Variants in IL2RA observed in about 807,000 individuals in gnomAD.
The protein encoded by IL2RA is interleukin 2 receptor subunit alpha.
Under a neutral mutation model 37.8 loss-of-function variants are expected in IL2RA, and 24 were observed. The ratio of observed to expected loss-of-function variants is 0.63; its 90% CI spans 0.46 to 0.89. IL2RA has a LOEUF of 0.89. IL2RA is among the 40% of genes least tolerant of loss of function. The pLI is 0.00. For missense variants in IL2RA, 319 were observed against 348.6 expected, an observed-to-expected ratio of 0.92 and a Z score of 0.68; for synonymous variants, 125 against 114.6, an observed-to-expected ratio of 1.09 and a Z score of -0.58.
At chr10:6,023,958 T>A (rs1046762074) in intron 3 of IL2RA, among the ~76,000 whole-genome samples, 1 of 152,196 alleles carries the variant, frequency 6.6e-6, no homozygotes, top group Non-Finnish European at 1.5e-5. Context: ...ACAGACGCTT[T>A]TAAGTTGAGT....
chr10:6,027,127 G>A (rs1839497145), intron 1 of IL2RA, among the ~76,000 whole-genome samples: 1 of 152,142 alleles, frequency 6.6e-6, no homozygotes, highest in Non-Finnish European at 1.5e-5. Context: ...TTCAAAACCA[G>A]CCTGGCCAGC....
chr10:6,052,217 C>T (rs1839974007), intron 1 of IL2RA, among the ~76,000 whole-genome samples: 1 of 152,136 alleles, frequency 6.6e-6, no homozygotes, highest in African/African-American at 2.4e-5. Flanking sequence ...CAAAACAACG[C>T]TCTCTGCTGT....
rs12722547 is a variant in IL2RA at position 6,030,130 on chromosome 10, G to C, written c.65-4105C>G. On this transcript the variant is annotated intron_variant, in intron 1 of 7. Coordinates refer to ENST00000379959, the MANE Select transcript of IL2RA (RefSeq NM_000417.3). ...GAACACAAGAAATCTGAAAAAGAAT[G>C]GACCTTTGGCATGCTGTAAGACAAT... 7.5e-3 allele frequency among the ~76,000 whole-genome samples: 1,142 copies of C among 152,242 alleles called. 6 individuals carry two copies. Among genetic ancestry groups the C allele is most frequent in the Non-Finnish European group, 0.014 (957 of 68,024 alleles).
chr10:6,018,327 A>G lies in IL2RA; in HGVS notation c.728-208T>C, dbSNP rs12722697. 8.8e-3 allele frequency among the ~76,000 whole-genome samples: 1,335 copies of G among 152,154 alleles called. 20 individuals carry two copies. Among genetic ancestry groups the G allele is most frequent in the African/African-American group, 0.031 (1,276 of 41,504 alleles). ...GGCAGGGAGGACAGGGTGAGGGTGGAGGGAGCTTCCCCTCAGGAGGCACCC... is the reference window on the plus strand; with the variant it reads ...GGCAGGGAGGACAGGGTGAGGGTGGGGGGAGCTTCCCCTCAGGAGGCACCC... On this transcript the variant is annotated intron_variant, in intron 6 of 7. Coordinates refer to ENST00000379959, the MANE Select transcript of IL2RA (RefSeq NM_000417.3). The surrounding 1 kb of genome is among the most constrained non-coding windows in gnomAD (Gnocchi z 5.1).
intron 1 of IL2RA, among the ~76,000 whole-genome samples, chr10:6,034,636 T>G (rs1246318458): frequency 6.6e-6 from 1 of 152,226 alleles, no homozygotes; most frequent in Admixed American, 6.5e-5. Context: ...AGCATACAAC[T>G]GTCCTCATTC....
chr10:6,010,892 A>G lies in IL2RA; in HGVS notation c.*1980T>C, dbSNP rs1003749869. On this transcript the variant is annotated 3_prime_UTR_variant, in exon 8 of 8. Transcript: ENST00000379959. ...GATCTTATAGACCCCTCAACACCCAAAAGTCGTAATCAGTTCTACTCAAGT... is the reference window on the plus strand; with the variant it reads ...GATCTTATAGACCCCTCAACACCCAGAAGTCGTAATCAGTTCTACTCAAGT... 2 of 152,258 alleles carry G rather than the reference A, an allele frequency of 1.3e-5. No homozygotes were observed. The allele number at this position is 152,258 out of a possible 1,614,324, so 9.4% of individuals were successfully genotyped here. A position where few individuals can be genotyped will look rare whatever the true frequency, so the allele number is the denominator to read the frequency against.
At chr10:6,030,877 G>A (rs1027934105) in intron 1 of IL2RA, among the ~76,000 whole-genome samples, 2 of 152,072 alleles carry the variant, frequency 1.3e-5, no homozygotes, top group Non-Finnish European at 2.9e-5. Context: ...ACTGTTTTAG[G>A]TTTTTATATC....
intron 1 of IL2RA, among the ~76,000 whole-genome samples, chr10:6,051,517 A>ATTT (rs1206402104): frequency 2.0e-5 from 2 of 100,872 alleles, no homozygotes; most frequent in African/African-American, 8.2e-5. Flanking sequence ...ATATATATAT[A>ATTT]TTTTTTTTCT....
Position 6,020,901 on chromosome 10 carries a change from G to A in IL2RA, c.583+577C>T, listed in dbSNP as rs1839373862. On this transcript the variant is annotated intron_variant, in intron 4 of 7. Coordinates refer to ENST00000379959, the MANE Select transcript of IL2RA (RefSeq NM_000417.3). This position sits in a 1 kb window ranked among gnomAD's most constrained non-coding sequence, Gnocchi z 5.6. ...CAGAAGGAAGACAGCAGGAGACCTC[G>A]ACATCGGTGGGCTGAGCATTTGCAT... is the stretch of plus-strand genomic sequence containing the variant. Among the ~76,000 whole-genome samples, 1 of 151,644 alleles carries A rather than the reference G, an allele frequency of 6.6e-6. No individual in the cohort carries two copies. The highest frequency in any genetic ancestry group is 2.4e-5 in the African/African-American group (1 of 41,250).
Position 6,054,750 on chromosome 10 carries a change from GA to G in IL2RA, c.64+7337del, listed in dbSNP as rs1840016517. On this transcript the variant is annotated intron_variant, in intron 1 of 7. Transcript: ENST00000379959. The surrounding 1 kb of genome is among the most constrained non-coding windows in gnomAD (Gnocchi z 4.5). ...GAGGTCCCAGGGCCACCTTCTCTGA[GA>G]ATTTTTTTTCTAGTTCTCCAGGTAG... is the stretch of plus-strand genomic sequence containing the variant. 6.6e-6 allele frequency among the ~76,000 whole-genome samples: 1 copy of G among 152,082 alleles called. No individual in the cohort carries two copies. Among genetic ancestry groups the G allele is most frequent in the South Asian group, 2.1e-4 (1 of 4,826 alleles).
rs928437001 is a variant in IL2RA at position 6,054,194 on chromosome 10, A to C, written c.64+7894T>G. Reference sequence around the variant, plus strand: ...GCTGCAGGCGGAGCTGCTGGTCAAAAACCCCCCGGGGAACTGGTTGGGTGT... The same window carrying C: ...GCTGCAGGCGGAGCTGCTGGTCAAACACCCCCCGGGGAACTGGTTGGGTGT... On this transcript the variant is annotated intron_variant, in intron 1 of 7. Coordinates refer to ENST00000379959, the MANE Select transcript of IL2RA (RefSeq NM_000417.3). This position sits in a 1 kb window ranked among gnomAD's most constrained non-coding sequence, Gnocchi z 4.5. Among the ~76,000 whole-genome samples the C allele has an allele frequency of 9.2e-5, 14 of 151,986 alleles. No individual in the cohort carries two copies. In the South Asian group the frequency reaches 1.3e-3, roughly 14 times the overall value.
rs1044357148 is a variant in IL2RA at position 6,028,156 on chromosome 10, G to A, written c.65-2131C>T. ...TGCTTTCCTTCCCGGCAGCACCCAG[G>A]TGGAACCCAAGCAGAGTGGTTTCAT... On this transcript the variant is annotated intron_variant, in intron 1 of 7. Transcript: ENST00000379959. The surrounding 1 kb of genome is among the most constrained non-coding windows in gnomAD (Gnocchi z 4.1). 2.0e-5 allele frequency among the ~76,000 whole-genome samples: 3 copies of A among 152,110 alleles called. No individual in the cohort carries two copies. The highest frequency in any genetic ancestry group is 4.4e-5 in the Non-Finnish European group (3 of 68,036).
intron 1 of IL2RA, among the ~76,000 whole-genome samples, chr10:6,031,456 A>G (rs1004223491): frequency 2.2e-4 from 6 of 27,192 alleles, no homozygotes; most frequent in East Asian, 7.4e-3. Context: ...ATATATATAC[A>G]TATATATATA....
rs1380247139 is a variant in IL2RA at position 6,028,842 on chromosome 10, A to G, written c.65-2817T>C. ...GTGACATCCCATCTATACTAAAAAT[A>G]CAAAAGATCAGCCGAGTGTGGCAGC... On this transcript the variant is annotated intron_variant, in intron 1 of 7. Coordinates refer to ENST00000379959, the MANE Select transcript of IL2RA (RefSeq NM_000417.3). The surrounding 1 kb of genome is among the most constrained non-coding windows in gnomAD (Gnocchi z 4.1). Among the ~76,000 whole-genome samples, 1 of 152,120 alleles carries G rather than the reference A, an allele frequency of 6.6e-6. No individual in the cohort carries two copies. Among genetic ancestry groups the G allele is most frequent in the Admixed American group, 6.5e-5 (1 of 15,274 alleles).
At chr10:6,030,229 A>T (rs1353556168) in intron 1 of IL2RA, among the ~76,000 whole-genome samples, 1 of 152,218 alleles carries the variant, frequency 6.6e-6, no homozygotes, top group Non-Finnish European at 1.5e-5. Flanking sequence ...GAAAAAATAT[A>T]TGAAGAAATA....
rs539024183 is a variant in IL2RA at position 6,042,318 on chromosome 10, G to T, written c.65-16293C>A. Among the ~76,000 whole-genome samples the T allele has an allele frequency of 7.9e-5, 12 of 151,636 alleles. No individual in the cohort carries two copies. The East Asian group carries it at 2.1e-3, about 27-fold the overall frequency. The stretch of plus-strand genomic sequence containing the variant: ...GAAGAGCATCTAATGATGATGAAAA[G>T]AATATCCATTATTGATTAAAAGAAA... On this transcript the variant is annotated intron_variant, in intron 1 of 7. Coordinates refer to ENST00000379959, the MANE Select transcript of IL2RA (RefSeq NM_000417.3).
intron 1 of IL2RA, among the ~76,000 whole-genome samples, chr10:6,043,819 C>T (rs1839809466): frequency 6.6e-6 from 1 of 152,126 alleles, no homozygotes; most frequent in Non-Finnish European, 1.5e-5. Context: ...TGATGATGGG[C>T]ACATGTTGGT....
chr10:6,045,155 C>A (rs1243625308), intron 1 of IL2RA, among the ~76,000 whole-genome samples: 1 of 152,202 alleles, frequency 6.6e-6, no homozygotes. Context: ...GTAATTAGCA[C>A]AGAAGCACCA....
In IL2RA at chr10:6,015,111, T is replaced by A. The variant is rs1839255241; in HGVS notation, c.795-2215A>T. Among the ~76,000 whole-genome samples the A allele has an allele frequency of 6.6e-6, 1 of 151,430 alleles. No individual in the cohort carries two copies. The highest frequency in any genetic ancestry group is 1.5e-5 in the Non-Finnish European group (1 of 67,874). ...TTTTTTCTTTCTTTCTTTTTTTTTT[T>A]AAACAGAGTCTTGCTGTGTCACCCA... On this transcript the variant is annotated intron_variant, in intron 7 of 7. Transcript: ENST00000379959. This position sits in a 1 kb window ranked among gnomAD's most constrained non-coding sequence, Gnocchi z 4.9.
Sources: allele counts gnomAD v4.1 joint callset (sites outside exome capture counted in the v4.1 genomes callset), GRCh38; gene constraint gnomAD v4.1.1; non-coding constraint Gnocchi (gnomAD v3.1); transcripts MANE v1.5; gene names NCBI Gene and HGNC (gene_info 2026-07-23, HGNC 2026-07-21).